Variants in LINGO2 observed in about 807,000 individuals in gnomAD.
The protein encoded by LINGO2 is leucine rich repeat and Ig domain containing 2.
Under a neutral mutation model 30.6 loss-of-function variants are expected in LINGO2, and 14 were observed. The observed-to-expected ratio is 0.46, with a 90% confidence interval of 0.30 to 0.72. The LOEUF (loss-of-function observed/expected upper bound fraction) is 0.72, where lower values mean the gene tolerates loss of function less well. LINGO2 is among the 30% of genes least tolerant of loss of function. The probability of loss-of-function intolerance (pLI) is 0.07; values close to 1 mark genes in which losing one functional copy is unlikely to be tolerated. For missense variants in LINGO2, 729 were observed against 751.7 expected (o/e 0.97, Z 0.35); for synonymous variants, 317 against 288.5 (o/e 1.10, Z -1.00).
the LINGO2 span, among the ~76,000 whole-genome samples, chr9:29,106,063 T>C: frequency 2.0e-5 from 3 of 152,216 alleles, no homozygotes; most frequent in African/African-American, 7.2e-5. Flanking sequence ...GTATTAAATT[T>C]ATGTTTCTTT....
chr9:28,340,761 G>A (rs1400748619), intron 3 of LINGO2, among the ~76,000 whole-genome samples: 1 of 151,810 alleles, frequency 6.6e-6, no homozygotes, highest in Non-Finnish European at 1.5e-5. Flanking sequence ...TGAAGAAGTG[G>A]GTTTATGATG....
At chr9:28,968,443 A>G in the LINGO2 span, among the ~76,000 whole-genome samples, 1 of 152,162 alleles carries the variant, frequency 6.6e-6, no homozygotes, top group Non-Finnish European at 1.5e-5. Flanking sequence ...TTTCTTGTTA[A>G]AGTAAAAATC....
At chr9:29,117,319 G>A in the LINGO2 span, among the ~76,000 whole-genome samples, 1 of 152,282 alleles carries the variant, frequency 6.6e-6, no homozygotes, top group East Asian at 1.9e-4. Context: ...GAGAAAAAAA[G>A]CCCCGATTGT....
At chr9:28,860,942 AT>A in the LINGO2 span, among the ~76,000 whole-genome samples, 1 of 135,688 alleles carries the variant, frequency 7.4e-6, no homozygotes, top group South Asian at 2.1e-4. Context: ...AAGGTAAAAA[AT>A]AATATATATA....
At chr9:28,849,035 C>A in the LINGO2 span, among the ~76,000 whole-genome samples, 1 of 151,974 alleles carries the variant, frequency 6.6e-6, no homozygotes, top group Non-Finnish European at 1.5e-5. Context: ...TGACTCCTCC[C>A]CTCTACTCAG....
chr9:28,172,412 C>G (rs71512426), intron 4 of LINGO2, among the ~76,000 whole-genome samples: 3,724 of 151,848 alleles, frequency 0.025, 86 homozygotes, highest in Middle Eastern at 0.041. Flanking sequence ...AAAGAATTCA[C>G]CAGGCACTAA....
chr9:28,988,706 T>C, the LINGO2 span, among the ~76,000 whole-genome samples: 1 of 152,220 alleles, frequency 6.6e-6, no homozygotes, highest in African/African-American at 2.4e-5. Flanking sequence ...AGAAACTAGA[T>C]AAGTGCTTCT....
chr9:29,101,330 A>G, the LINGO2 span, among the ~76,000 whole-genome samples: 2 of 152,192 alleles, frequency 1.3e-5, no homozygotes, highest in Admixed American at 6.5e-5. Flanking sequence ...GGACTTAAGA[A>G]ACTATTCAGT....
At chr9:28,949,399 T>C in the LINGO2 span, among the ~76,000 whole-genome samples, 2 of 151,940 alleles carry the variant, frequency 1.3e-5, no homozygotes, top group Non-Finnish European at 2.9e-5. Flanking sequence ...CAGAATCAAA[T>C]AGACACAATA....
chr9:28,300,585 T>C (rs948585649), intron 3 of LINGO2, among the ~76,000 whole-genome samples: 1 of 152,172 alleles, frequency 6.6e-6, no homozygotes, highest in Non-Finnish European at 1.5e-5. Flanking sequence ...CTGTCCTTTT[T>C]CCTTCCTTTC....
chr9:28,250,285 G>T (rs1035864811), intron 4 of LINGO2, among the ~76,000 whole-genome samples: 2 of 152,152 alleles, frequency 1.3e-5, no homozygotes, highest in African/African-American at 4.8e-5. Context: ...CCTTATTTCT[G>T]CCAAGTACAG....
At chr9:28,044,699 C>T (rs1455661207) in intron 4 of LINGO2, among the ~76,000 whole-genome samples, 2 of 151,846 alleles carry the variant, frequency 1.3e-5, no homozygotes, top group African/African-American at 4.8e-5. Flanking sequence ...AGAATCCAAA[C>T]GAGCAGAGAG....
chr9:28,855,432 A>G, the LINGO2 span, among the ~76,000 whole-genome samples: 1 of 151,992 alleles, frequency 6.6e-6, no homozygotes, highest in Non-Finnish European at 1.5e-5. Flanking sequence ...TTTATCATCA[A>G]TATGTCTAGA....
At chr9:28,892,980 T>C in the LINGO2 span, among the ~76,000 whole-genome samples, 4 of 152,122 alleles carry the variant, frequency 2.6e-5, no homozygotes, top group Admixed American at 2.0e-4. Flanking sequence ...GCAGATACTA[T>C]AAGAAATGTT....
chr9:28,788,878 G>C, the LINGO2 span, among the ~76,000 whole-genome samples: 1 of 152,168 alleles, frequency 6.6e-6, no homozygotes, highest in African/African-American at 2.4e-5. Context: ...AGGACACAAA[G>C]CCTAAGCATA....
intron 2 of LINGO2, among the ~76,000 whole-genome samples, chr9:28,424,362 G>A (rs960451803): frequency 3.9e-5 from 6 of 152,096 alleles, no homozygotes; most frequent in Non-Finnish European, 8.8e-5. Flanking sequence ...AGGCTAGCCT[G>A]CTGGAGAATA....
At chr9:28,827,173 G>A in the LINGO2 span, among the ~76,000 whole-genome samples, 1 of 152,142 alleles carries the variant, frequency 6.6e-6, no homozygotes, top group South Asian at 2.1e-4. Flanking sequence ...CAAGTCCACA[G>A]AATCCTAGCA....
chr9:29,175,522 A>ATTTTTT, the LINGO2 span, among the ~76,000 whole-genome samples: 1 of 110,378 alleles, frequency 9.1e-6, no homozygotes, highest in Non-Finnish European at 1.8e-5. Flanking sequence ...TATCTCCGAG[A>ATTTTTT]TTTTTTTTTT....
chr9:28,522,494 C>G (rs1210934161), intron 1 of LINGO2, among the ~76,000 whole-genome samples: 9 of 152,158 alleles, frequency 5.9e-5, no homozygotes, highest in African/African-American at 1.9e-4. Context: ...TTTAAAGAAA[C>G]ACTCCATCAG....
Sources: allele counts gnomAD v4.1 joint callset (sites outside exome capture counted in the v4.1 genomes callset), GRCh38; gene constraint gnomAD v4.1.1; transcripts MANE v1.5; gene names NCBI Gene and HGNC (gene_info 2026-07-23, HGNC 2026-07-21).